NR1H4: variants seen among roughly 807,000 people sequenced by gnomAD.
The protein encoded by NR1H4 is bile acid receptor.
NR1H4 carries 23 observed loss-of-function variants against 58.5 expected under a neutral mutation model. The ratio of observed to expected loss-of-function variants is 0.39; its 90% confidence interval spans 0.28 to 0.56. The LOEUF is 0.56. Ranked by LOEUF, NR1H4 falls within the 20% of genes least tolerant of loss-of-function variation. The probability of loss-of-function intolerance (pLI) is 0.58; values close to 1 mark genes in which losing one functional copy is unlikely to be tolerated. For synonymous variants in NR1H4, 214 were observed against 198.0 expected (o/e 1.08, Z -0.68); for missense variants, 487 against 576.9 (o/e 0.84, Z 1.60).
chr12:100,496,126 A>G (rs1162964717), intron 3 of NR1H4, among the ~76,000 whole-genome samples: 1 of 152,212 alleles, frequency 6.6e-6, no homozygotes, highest in Non-Finnish European at 1.5e-5. Flanking sequence ...CAAATATCGG[A>G]CACTGACAAT....
chr12:100,515,958 T>A (rs1245362560), intron 4 of NR1H4, among the ~76,000 whole-genome samples: 1 of 152,226 alleles, frequency 6.6e-6, no homozygotes, highest in Non-Finnish European at 1.5e-5. Context: ...TACCCCAGAC[T>A]TACTGAATCA....
At chr12:100,523,763 A>G (rs901087702) in intron 4 of NR1H4, among the ~76,000 whole-genome samples, 11 of 152,112 alleles carry the variant, frequency 7.2e-5, no homozygotes, top group African/African-American at 2.7e-4. Context: ...CTATTAGTTA[A>G]CCCAATTCTT....
intron 10 of NR1H4, 59 bp downstream of exon 10, chr12:100,562,057 C>T (rs1016719830): frequency 8.5e-6 from 7 of 819,346 alleles, no homozygotes; most frequent in Non-Finnish European, 1.5e-5. Flanking sequence ...CTAGTAATAA[C>T]GTTTATTGAA....
intron 9 of NR1H4, among the ~76,000 whole-genome samples, chr12:100,559,349 C>G (rs1233902335): frequency 3.3e-5 from 5 of 152,316 alleles, no homozygotes; most frequent in Admixed American, 3.3e-4. Flanking sequence ...AAGGCTGGAG[C>G]CCACTCCCTT....
chr12:100,512,898 C>T (rs3827885), intron 4 of NR1H4, among the ~76,000 whole-genome samples: 4,511 of 152,220 alleles, frequency 0.03, 165 homozygotes, highest in East Asian at 0.19. Context: ...CACATAAGAT[C>T]GGCTCAAGGA....
intron 1 of NR1H4, among the ~76,000 whole-genome samples, chr12:100,476,001 T>TAGGGA (rs1953262206): frequency 6.6e-6 from 1 of 152,164 alleles, no homozygotes; most frequent in Admixed American, 6.5e-5. Context: ...CCCAGAGTGC[T>TAGGGA]AGGATTACAG....
intron 1 of NR1H4, among the ~76,000 whole-genome samples, chr12:100,487,379 A>G (rs929875810): frequency 3.0e-4 from 46 of 152,264 alleles, no homozygotes; most frequent in African/African-American, 1.1e-3. Context: ...TGGATGAAGG[A>G]ATGCTTAAAG....
intron 3 of NR1H4, among the ~76,000 whole-genome samples, chr12:100,508,291 C>T (rs1218014553): frequency 6.6e-6 from 1 of 151,966 alleles, no homozygotes; most frequent in Non-Finnish European, 1.5e-5. Flanking sequence ...AAGGCACATT[C>T]AAGAAACAGA....
intron 9 of NR1H4, among the ~76,000 whole-genome samples, chr12:100,559,604 T>C (rs937026095): frequency 2.0e-5 from 3 of 152,318 alleles, no homozygotes; most frequent in African/African-American, 7.2e-5. Flanking sequence ...CACCGAGCCT[T>C]AGCTGCCTTC....
At chr12:100,491,663 A>G (rs1376505204) in intron 1 of NR1H4, among the ~76,000 whole-genome samples, 4 of 151,604 alleles carry the variant, frequency 2.6e-5, no homozygotes, top group Non-Finnish European at 5.9e-5. Flanking sequence ...TGGATAGTAG[A>G]GTTTGGCAGT....
chr12:100,518,564 G>A (rs1251709011), intron 4 of NR1H4, among the ~76,000 whole-genome samples: 1 of 152,164 alleles, frequency 6.6e-6, no homozygotes, highest in South Asian at 2.1e-4. Flanking sequence ...CTATGCCAGG[G>A]ATTGGCACAT....
chr12:100,562,354 CA>C (rs1465083038), intron 10 of NR1H4, among the ~76,000 whole-genome samples: 1 of 151,724 alleles, frequency 6.6e-6, no homozygotes, highest in Admixed American at 6.6e-5. Flanking sequence ...GTAAATGCTA[CA>C]AAAAATATAA....
intron 4 of NR1H4, 147 bp downstream of exon 4, chr12:100,511,290 T>C (rs1954108848): frequency 2.1e-6 from 2 of 946,234 alleles, no homozygotes; most frequent in Admixed American, 3.6e-5. Context: ...TCACCTTTGT[T>C]GTGTAGTCAA....
chr12:100,523,233 T>C (rs1345435226), intron 4 of NR1H4, among the ~76,000 whole-genome samples: 4 of 152,194 alleles, frequency 2.6e-5, no homozygotes, highest in Admixed American at 1.3e-4. Context: ...TTTGACTTTT[T>C]AAAAATGGGC....
intron 3 of NR1H4, among the ~76,000 whole-genome samples, 163 bp from the exon 4 acceptor site, chr12:100,510,610 TATATA>T (rs1350309229): frequency 9.3e-6 from 1 of 107,342 alleles, no homozygotes; most frequent in African/African-American, 5.5e-5. Context: ...TTTAATTTTA[TATATA>T]TATATATATA....
At chr12:100,488,303 ATGT>A (rs1417012514) in intron 1 of NR1H4, among the ~76,000 whole-genome samples, 3 of 152,270 alleles carry the variant, frequency 2.0e-5, no homozygotes, top group East Asian at 1.9e-4. Flanking sequence ...TCCGGCCATA[ATGT>A]TGTTTTTCTT....
chr12:100,495,244 C>A (rs1195239957), intron 3 of NR1H4, among the ~76,000 whole-genome samples: 1 of 152,210 alleles, frequency 6.6e-6, no homozygotes, highest in Non-Finnish European at 1.5e-5. Context: ...GCTGCATGAG[C>A]TGCAATGCAG....
chr12:100,495,381 G>A (rs1397255708), intron 3 of NR1H4, among the ~76,000 whole-genome samples: 3 of 152,072 alleles, frequency 2.0e-5, no homozygotes, highest in Non-Finnish European at 4.4e-5. Context: ...GTAGAGCCAC[G>A]TCTAAGCATT....
At chr12:100,549,431 G>A (rs557468335) in intron 9 of NR1H4, among the ~76,000 whole-genome samples, 2 of 152,196 alleles carry the variant, frequency 1.3e-5, no homozygotes, top group African/African-American at 4.8e-5. Context: ...GAATAATCCT[G>A]AAGTGTTACA....
Sources: allele counts gnomAD v4.1 joint callset (sites outside exome capture counted in the v4.1 genomes callset), GRCh38; gene constraint gnomAD v4.1.1; transcripts MANE v1.5; gene names NCBI Gene and HGNC (gene_info 2026-07-23, HGNC 2026-07-21).